ERCC1: variants seen among roughly 807,000 people sequenced by gnomAD.
ERCC1 encodes the protein DNA excision repair protein ERCC-1.
In ERCC1, 36 loss-of-function variants were observed where a neutral mutation model predicts 37.6. The observed-to-expected ratio is 0.96, with a 90% CI of 0.73 to 1.26. The LOEUF (loss-of-function observed/expected upper bound fraction) is 1.26, where lower values mean the gene tolerates loss of function less well. ERCC1 is among the 50% of genes most tolerant of loss of function. The pLI is 0.00. For synonymous variants in ERCC1, 156 were observed against 162.1 expected (o/e 0.96, Z 0.28); for missense variants, 349 against 376.5 (o/e 0.93, Z 0.60).
intron 1 of ERCC1, among the ~76,000 whole-genome samples, chr19:45,439,170 A>T (rs538889414): frequency 4.1e-4 from 62 of 152,194 alleles, no homozygotes; most frequent in African/African-American, 1.4e-3. Flanking sequence ...TGGGCGACAG[A>T]GCGAGACTCT....
intron 1 of ERCC1, among the ~76,000 whole-genome samples, chr19:45,441,504 G>A (rs1177183814): frequency 6.6e-6 from 1 of 152,148 alleles, no homozygotes; most frequent in Admixed American, 6.5e-5. Flanking sequence ...TTTTCGAGTA[G>A]CTGGGATTAC....
upstream of ERCC1, among the ~76,000 whole-genome samples, chr19:45,426,959 T>TAAA (rs1555789830): frequency 4.3e-5 from 4 of 92,462 alleles, no homozygotes; most frequent in African/African-American, 4.7e-5. Flanking sequence ...AAACTCCATC[T>TAAA]AAAAAAAAAA....
At chr19:45,430,304 G>T (rs989857775) in intron 1 of ERCC1, among the ~76,000 whole-genome samples, 1 of 152,202 alleles carries the variant, frequency 6.6e-6, no homozygotes, top group Non-Finnish European at 1.5e-5. Context: ...TGACCGGCAC[G>T]CATGATTCTG....
chr19:45,412,801 G>A (rs1396778566), intron 9 of ERCC1, among the ~76,000 whole-genome samples: 3 of 150,640 alleles, frequency 2.0e-5, no homozygotes, highest in East Asian at 2.0e-4. Context: ...GTGCAATGGC[G>A]CTATCTTGGC....
At chr19:45,423,950 A>T, upstream of ERCC1, 1 of 1,083,882 alleles carries the variant, frequency 9.2e-7, no homozygotes, top group South Asian at 4.0e-5. Context: ...AGGAGAGTAG[A>T]GCATAGAGCA....
At chr19:45,440,168 C>G (rs73940210) in intron 1 of ERCC1, among the ~76,000 whole-genome samples, 1 of 151,142 alleles carries the variant, frequency 6.6e-6, no homozygotes, top group Non-Finnish European at 1.5e-5. Context: ...ACGTCCCCCA[C>G]ATTGTATCCT....
At chr19:45,437,270 A>G (rs1416527801) in intron 1 of ERCC1, among the ~76,000 whole-genome samples, 1 of 151,508 alleles carries the variant, frequency 6.6e-6, no homozygotes, top group Non-Finnish European at 1.5e-5. Context: ...AAGAAAATAT[A>G]TATGTGTGTG....
At chr19:45,412,777 T>C (rs1227380633) in intron 9 of ERCC1, among the ~76,000 whole-genome samples, 1 of 151,928 alleles carries the variant, frequency 6.6e-6, no homozygotes, top group Non-Finnish European at 1.5e-5. Context: ...TTCACTCTTA[T>C]TGTCCAGGCT....
chr19:45,423,174 T>C, intron 2 of ERCC1, 96 bp downstream of exon 2: 1 of 1,266,046 alleles, frequency 7.9e-7, no homozygotes, highest in East Asian at 2.5e-5. Context: ...GGCCCCCAAA[T>C]CCACTAACCC....
At position 45,421,369 on chromosome 19, in the gene ERCC1, G is replaced by C. The variant is rs770442277; in HGVS notation, c.130C>G (p.Gln44Glu). 1.2e-6 allele frequency: 2 copies of C among 1,612,406 alleles called. No individual in the cohort carries two copies. The highest frequency in any genetic ancestry group is 3.3e-5 in the Admixed American group (2 of 59,956). ...GAGGTGTCCACAGTGGGAAGGCTCT[G>C]TGTAGATCGGAATAAGGGCTTGGCC... ...GVAKPLFRSTQSLPTVDTSAQ... is the reference protein window; with the variant it reads ...GVAKPLFRSTESLPTVDTSAQ... The change falls in exon 3 of 10, where the codon CAG (glutamine) becomes GAG (glutamate). Residue 44 changes from glutamine to glutamate, a missense_variant. Physicochemically the swap from Gln to Glu is conservative, Grantham distance 29. Transcript: ENST00000300853.
rs1219550328 is a variant in ERCC1 at position 45,409,081 on chromosome 19, A to G, written c.*594T>C. 1 of 1,613,636 alleles carries G rather than the reference A, an allele frequency of 6.2e-7. No homozygotes were observed. Among genetic ancestry groups the G allele is most frequent in the Non-Finnish European group, 8.5e-7 (1 of 1,179,746 alleles). ...CCATGGCGCCTCAACAGCCAGAAGG[A>G]GCGAAGCCTCAGGCCCAGGCAGCTC... On this transcript the variant is annotated 3_prime_UTR_variant, in exon 10 of 10. Coordinates refer to ENST00000300853, the MANE Select transcript of ERCC1 (RefSeq NM_001983.4).
chr19:45,412,050 G>A (rs1402949015), intron 9 of ERCC1, among the ~76,000 whole-genome samples: 4 of 151,186 alleles, frequency 2.6e-5, no homozygotes, highest in African/African-American at 7.3e-5. Context: ...TAGTAGAGAC[G>A]GGGTTTCACC....
intron 1 of ERCC1, among the ~76,000 whole-genome samples, chr19:45,432,164 G>A (rs1974850668): frequency 6.6e-6 from 1 of 151,790 alleles, no homozygotes; most frequent in Non-Finnish European, 1.5e-5. Flanking sequence ...TAGTGACGGT[G>A]TTTCACCATG....
intron 1 of ERCC1, among the ~76,000 whole-genome samples, chr19:45,444,672 TG>T (rs1975214866): frequency 6.6e-6 from 1 of 152,130 alleles, no homozygotes; most frequent in Non-Finnish European, 1.5e-5. Context: ...AACAGGGAAC[TG>T]TCGGGGCGCA....
chr19:45,410,955 T>C (rs1973700750), intron 9 of ERCC1, among the ~76,000 whole-genome samples: 1 of 152,056 alleles, frequency 6.6e-6, no homozygotes, highest in Non-Finnish European at 1.5e-5. Flanking sequence ...TCCCAAGTAG[T>C]TGTGATTACA....
rs1430156553 is a variant in ERCC1, at chr19:45,419,371, C to T, written c.426-174G>A. 4.8e-6 allele frequency: 3 copies of T among 619,990 alleles called. No homozygotes were observed. In the Admixed American group the frequency reaches 7.3e-5, roughly 15 times the overall value. 38.4% of individuals were successfully genotyped at this position (619,990 alleles called of 1,614,324 possible). On this transcript the variant is annotated intron_variant, in intron 4 of 9. Transcript: ENST00000300853. ...CAGGTCACTCTTCCAAGAAGATGCT[C>T]CGCAGGGATTGGCAGCCAGGGCCAC...
intron 1 of ERCC1, chr19:45,450,873 G>C (rs1472611159): frequency 7.4e-6 from 1 of 134,284 alleles, no homozygotes; most frequent in Non-Finnish European, 1.5e-5. Context: ...CGCGGCCGCC[G>C]TCTCCGTGCG....
At position 45,408,513 on chromosome 19, in the gene ERCC1, C is replaced by CA; in HGVS notation, c.*1161dup. The CA allele has an allele frequency of 6.2e-7, 1 of 1,614,044 alleles. No homozygotes were observed. The highest frequency in any genetic ancestry group is 8.5e-7 in the Non-Finnish European group (1 of 1,180,012). On this transcript the variant is annotated 3_prime_UTR_variant, in exon 10 of 10. Transcript: ENST00000300853. ...AAGAAGAAAAAGGAGATGCAGGTGACAGAGGCCCCAGTCACTCAGGAGGCA... is the reference window on the plus strand; with the variant it reads ...AAGAAGAAAAAGGAGATGCAGGTGACAAGAGGCCCCAGTCACTCAGGAGGCA...
intron 3 of ERCC1, 138 bp downstream of exon 3, chr19:45,421,040 C>A: frequency 1.3e-6 from 1 of 773,734 alleles, no homozygotes; most frequent in East Asian, 2.7e-5. Flanking sequence ...ACACTGCTGT[C>A]GAATGAATGA....
Sources: gnomAD v4.1 joint callset for allele counts (sites outside exome capture counted in the v4.1 genomes callset) on GRCh38, gnomAD v4.1.1 for gene constraint, MANE v1.5 for transcripts, NCBI Gene and HGNC (gene_info 2026-07-23, HGNC 2026-07-21) for gene names.